DDAH1: variants seen among roughly 807,000 people sequenced by gnomAD.
The protein encoded by DDAH1 is dimethylarginine dimethylaminohydrolase 1.
DDAH1 carries 19 observed loss-of-function variants against 28.8 expected under a neutral mutation model. The observed-to-expected ratio is 0.66, with a 90% CI of 0.46 to 0.97. DDAH1 has a LOEUF of 0.97. Among genes scored for constraint, DDAH1 ranks in the 50% least tolerant of loss-of-function variants. The pLI is 0.00. For synonymous variants in DDAH1, 153 were observed against 154.4 expected, an observed-to-expected ratio of 0.99 and a Z score of 0.07; for missense variants, 326 against 375.9, an observed-to-expected ratio of 0.87 and a Z score of 1.10.
intron 1 of DDAH1, among the ~76,000 whole-genome samples, chr1:85,462,069 C>T (rs546408611): frequency 3.3e-5 from 5 of 152,104 alleles, no homozygotes; most frequent in Non-Finnish European, 7.3e-5. Context: ...AAATGCACAT[C>T]ATAAATCTGG....
intron 1 of DDAH1, among the ~76,000 whole-genome samples, chr1:85,424,651 T>C (rs755039739): frequency 6.6e-6 from 1 of 152,082 alleles, no homozygotes; most frequent in Non-Finnish European, 1.5e-5. Context: ...CAGGGCTATA[T>C]AATTAGAAAA....
chr1:85,416,833 A>G (rs998369241), intron 1 of DDAH1, among the ~76,000 whole-genome samples: 1 of 151,570 alleles, frequency 6.6e-6, no homozygotes, highest in Non-Finnish European at 1.5e-5. Context: ...ACATCCAGCT[A>G]ATTTTTGTTT....
chr1:85,545,141 A>G (rs964411592), intron 1 of DDAH1, among the ~76,000 whole-genome samples: 2 of 152,172 alleles, frequency 1.3e-5, no homozygotes, highest in Non-Finnish European at 2.9e-5. Context: ...CCATACTCAC[A>G]GGCATGAAGC....
intron 1 of DDAH1, among the ~76,000 whole-genome samples, chr1:85,497,162 C>A (rs1656626993): frequency 6.6e-6 from 1 of 152,156 alleles, no homozygotes; most frequent in South Asian, 2.1e-4. Context: ...GGAAGGCCAG[C>A]CACAGGCCCA....
At chr1:85,542,715 A>G (rs17099679) in intron 1 of DDAH1, among the ~76,000 whole-genome samples, 25,475 of 152,132 alleles carry the variant, frequency 0.17, 2,840 homozygotes, top group African/African-American at 0.31. Flanking sequence ...ACCCAAATAC[A>G]CTTTCACACA....
rs1383329783 is a variant in DDAH1 at position 85,319,515 on chromosome 1, C to T, written c.*1937G>A. The T allele has an allele frequency of 6.6e-6, 1 of 152,192 alleles. No homozygotes were observed. The highest frequency in any genetic ancestry group is 1.5e-5 in the Non-Finnish European group (1 of 68,020). The allele number at this position is 152,192 out of a possible 1,614,324, so 9.4% of individuals were successfully genotyped here. A position where few individuals can be genotyped will look rare whatever the true frequency, so the allele number is the denominator to read the frequency against. ...GTGGTTGTATTTGAGATGTTGAGCT[C>T]TCACAGGGAGAATTTTTGCTTTTGC... On this transcript the variant is annotated 3_prime_UTR_variant, in exon 6 of 6. Transcript: ENST00000284031.
chr1:85,335,968 G>GAAATAAAATAAAATAAAATAAAATA lies in DDAH1; in HGVS notation c.598-11110_598-11086dup, dbSNP rs139704444. Among the ~76,000 whole-genome samples, 3 of 143,950 alleles carry GAAATAAAATAAAATAAAATAAAATA rather than the reference G, an allele frequency of 2.1e-5. 1 individual carries two copies. Among genetic ancestry groups the GAAATAAAATAAAATAAAATAAAATA allele is most frequent in the Middle Eastern group, 7.0e-3 (2 of 286 alleles). 94.4% of individuals were successfully genotyped at this position (143,950 alleles called of 152,430 possible). A position where few individuals can be genotyped will look rare whatever the true frequency, so the allele number is the denominator to read the frequency against. ...CAAAGTGAGACCCTGTCTCTAAAATGAAATAAAATAAAATAAAATAAAATA... is the reference window on the plus strand; with the variant it reads ...CAAAGTGAGACCCTGTCTCTAAAATGAAATAAAATAAAATAAAATAAAATAAAATAAAATAAAATAAAATAAAATA... On this transcript the variant is annotated intron_variant, in intron 4 of 5. Transcript: ENST00000284031.
At position 85,464,473 on chromosome 1, in the gene DDAH1, G is replaced by A; in HGVS notation, c.303+270C>T. 1 of 1,515,460 alleles carries A rather than the reference G, an allele frequency of 6.6e-7. No individual in the cohort carries two copies. The highest frequency in any genetic ancestry group is 8.8e-7 in the Non-Finnish European group (1 of 1,133,416). 93.9% of individuals were successfully genotyped at this position (1,515,460 alleles called of 1,614,324 possible). A position where few individuals can be genotyped will look rare whatever the true frequency, so the allele number is the denominator to read the frequency against. ...TTTTCACAAATAAAAATGCCCGTGA[G>A]ACGGAATCCCCCGCCCACCCACCTG... On this transcript the variant is annotated intron_variant, in intron 1 of 5. Transcript: ENST00000284031. The surrounding 1 kb of genome is among the most constrained non-coding windows in gnomAD (Gnocchi z 4.4).
intron 4 of DDAH1, among the ~76,000 whole-genome samples, chr1:85,333,101 G>A (rs1000001960): frequency 2.1e-4 from 32 of 152,268 alleles, no homozygotes; most frequent in Middle Eastern, 3.4e-3. Flanking sequence ...TTGGTCTGCC[G>A]CTGCCAACAG....
chr1:85,366,653 T>C (rs1450752545), intron 1 of DDAH1, among the ~76,000 whole-genome samples: 1 of 152,110 alleles, frequency 6.6e-6, no homozygotes, highest in African/African-American at 2.4e-5. Flanking sequence ...TGGTTACTCA[T>C]GAGTAAAGTA....
At chr1:85,530,946 G>A (rs141383031) in intron 1 of DDAH1, among the ~76,000 whole-genome samples, 3,355 of 140,520 alleles carry the variant, frequency 0.024, 65 homozygotes, top group Middle Eastern at 0.053. Context: ...AGCCGAGATC[G>A]TGCCTTTGCA....
chr1:85,551,826 C>T (rs1018210728), intron 1 of DDAH1, among the ~76,000 whole-genome samples: 2 of 152,224 alleles, frequency 1.3e-5, no homozygotes. Flanking sequence ...TGATCATATG[C>T]AAACATGTGG....
intron 1 of DDAH1, among the ~76,000 whole-genome samples, chr1:85,417,077 A>T (rs1652920576): frequency 6.6e-6 from 1 of 152,202 alleles, no homozygotes; most frequent in African/African-American, 2.4e-5. Flanking sequence ...TTAGAAAACC[A>T]TTTTTTGTGG....
At position 85,418,474 on chromosome 1, in the gene DDAH1, G is replaced by A. The variant is rs1299002652; in HGVS notation, c.303+46269C>T. Reference sequence around the variant, plus strand: ...ATAGGAACAGAAGGTAAAAGACCATGAATTTGGTCTGAAATGGGCGAACTA... The same window carrying A: ...ATAGGAACAGAAGGTAAAAGACCATAAATTTGGTCTGAAATGGGCGAACTA... On this transcript the variant is annotated intron_variant, in intron 1 of 5. Coordinates refer to ENST00000284031, the MANE Select transcript of DDAH1 (RefSeq NM_012137.4). Among the ~76,000 whole-genome samples the A allele has an allele frequency of 2.0e-5, 3 of 152,338 alleles. No individual in the cohort carries two copies. The South Asian group carries it at 6.2e-4, about 32-fold the overall frequency.
intron 2 of DDAH1, among the ~76,000 whole-genome samples, chr1:85,479,267 G>A (rs1035759531): frequency 1.4e-5 from 2 of 147,036 alleles, no homozygotes; most frequent in Non-Finnish European, 1.5e-5. Flanking sequence ...TCCGCTTCCC[G>A]GGTTCACGCC....
chr1:85,474,638 T>C (rs1202493482), intron 2 of DDAH1, among the ~76,000 whole-genome samples: 1 of 152,214 alleles, frequency 6.6e-6, no homozygotes, highest in Admixed American at 6.5e-5. Flanking sequence ...AGCACTGTTT[T>C]ACTTGCTAAT....
At chr1:85,483,700 G>T (rs1656091123) in intron 2 of DDAH1, among the ~76,000 whole-genome samples, 1 of 152,118 alleles carries the variant, frequency 6.6e-6, no homozygotes, top group African/African-American at 2.4e-5. Flanking sequence ...TAAAACTTTT[G>T]CTTTTCAGAG....
At chr1:85,431,865 T>C (rs899636020) in intron 1 of DDAH1, among the ~76,000 whole-genome samples, 1 of 152,210 alleles carries the variant, frequency 6.6e-6, no homozygotes, top group East Asian at 1.9e-4. Flanking sequence ...TTCTCACACA[T>C]GAAGTTGCTT....
intron 1 of DDAH1, among the ~76,000 whole-genome samples, chr1:85,511,201 C>A (rs1220934842): frequency 6.6e-6 from 1 of 152,178 alleles, no homozygotes; most frequent in African/African-American, 2.4e-5. Context: ...GAAACTCACT[C>A]AAAACTGCAC....
Sources: allele counts gnomAD v4.1 joint callset (sites outside exome capture counted in the v4.1 genomes callset), GRCh38; gene constraint gnomAD v4.1.1; non-coding constraint Gnocchi (gnomAD v3.1); transcripts MANE v1.5; gene names NCBI Gene and HGNC (gene_info 2026-07-23, HGNC 2026-07-21).